The following PRKDC variants were observed in gnomAD, a reference collection of about 807,000 sequenced individuals.
PRKDC encodes protein kinase, DNA-activated, catalytic subunit.
In PRKDC, 82 loss-of-function variants were observed where a neutral mutation model predicts 486.9. That is an observed-to-expected ratio of 0.17 (90% CI 0.14 to 0.20). The LOEUF is 0.20. Among genes scored for constraint, PRKDC ranks in the 10% least tolerant of loss-of-function variants. PRKDC has a pLI of 1.00. For synonymous variants in PRKDC, 1,895 were observed against 1,837.0 expected, an observed-to-expected ratio of 1.03 and a Z score of -0.81; for missense variants, 4,504 against 5,038.2, an observed-to-expected ratio of 0.89 and a Z score of 3.21.
chr8:47,927,738 T>A, intron 20 of PRKDC, 33 bp downstream of exon 20: 1 of 1,474,468 alleles, frequency 6.8e-7, no homozygotes, highest in South Asian at 1.6e-5. Flanking sequence ...ACAACAGCGA[T>A]GAAGAGATGG....
chr8:47,809,753 A>G (rs1347032379), intron 68 of PRKDC, among the ~76,000 whole-genome samples: 2 of 152,248 alleles, frequency 1.3e-5, no homozygotes, highest in African/African-American at 4.8e-5. Context: ...TGGATAAAAT[A>G]CAACTCCCCA....
At chr8:47,907,503 G>A (rs1005873711) in intron 25 of PRKDC, among the ~76,000 whole-genome samples, 5 of 144,334 alleles carry the variant, frequency 3.5e-5, no homozygotes, top group Non-Finnish European at 7.5e-5. Context: ...GGTAACCACT[G>A]TCGACTTTCA....
chr8:47,776,044 G>A (rs2515635), intron 85 of PRKDC, among the ~76,000 whole-genome samples: 17 of 152,092 alleles, frequency 1.1e-4, no homozygotes, highest in East Asian at 1.9e-4. Context: ...GGGTGGTCTC[G>A]AACTCCTGAC....
chr8:47,949,989 G>A (rs2090601120), intron 7 of PRKDC, among the ~76,000 whole-genome samples: 1 of 152,228 alleles, frequency 6.6e-6, no homozygotes, highest in Non-Finnish European at 1.5e-5. Flanking sequence ...GTGATAAGGA[G>A]GCCAGGGGTG....
intron 40 of PRKDC, among the ~76,000 whole-genome samples, chr8:47,873,337 G>C (rs1338575672): frequency 6.6e-6 from 1 of 151,606 alleles, no homozygotes; most frequent in Admixed American, 6.6e-5. Context: ...TGGAGTTCAA[G>C]ATAAGCCTGG....
chr8:47,932,050 C>T (rs1366743593), intron 16 of PRKDC, among the ~76,000 whole-genome samples: 1 of 151,610 alleles, frequency 6.6e-6, no homozygotes, highest in Admixed American at 6.6e-5. Flanking sequence ...GCCACCACGC[C>T]CGGCTCATTT....
intron 85 of PRKDC, among the ~76,000 whole-genome samples, chr8:47,775,756 G>C (rs996868752): frequency 1.3e-5 from 2 of 151,376 alleles, no homozygotes; most frequent in African/African-American, 4.9e-5. Flanking sequence ...TGTGCTTTCA[G>C]TGTCATACCT....
Position 47,953,686 on chromosome 8 carries a change from C to T in PRKDC, c.655G>A (p.Val219Ile). Residue 219 changes from valine (V) to isoleucine (I), a missense_variant, in exon 7 of 86, where the codon GTT (valine) becomes ATT (isoleucine). Transcript: ENST00000314191. ...AACCCCTTCAGACATCCTGCCAGAACAGGTAGTTTGGGCTCTCTTACTGCT... is the reference window on the plus strand; with the variant it reads ...AACCCCTTCAGACATCCTGCCAGAATAGGTAGTTTGGGCTCTCTTACTGCT... Reference protein sequence around the residue: ...TSAVREPKLPVLAGCLKGLSS... With the variant: ...TSAVREPKLPILAGCLKGLSS... 6.2e-7 allele frequency: 1 copy of T among 1,613,400 alleles called. No individual in the cohort carries two copies. The highest frequency in any genetic ancestry group is 8.5e-7 in the Non-Finnish European group (1 of 1,179,670).
chr8:47,858,606 C>A lies in PRKDC; in HGVS notation c.6375G>T (p.Trp2125Cys). Residue 2125 changes from tryptophan to cysteine, a missense_variant, in exon 48 of 86, where the codon TGG becomes TGT. This residue lies in a region of PRKDC where 1,592 missense variants were observed against 1,724.6 expected (regional missense o/e 0.92). Coordinates refer to ENST00000314191, the MANE Select transcript of PRKDC (RefSeq NM_006904.7). ...EDSVPRDLPS[W>C]MKFLHGKLGN... ...CCAGTTTGCCATGGAGGAATTTCAT[C>A]CAAGAAGGAAGATCTCTTGGCACTG... The A allele has an allele frequency of 6.4e-7, 1 of 1,552,366 alleles. No homozygotes were observed. Among genetic ancestry groups the A allele is most frequent in the South Asian group, 1.2e-5 (1 of 81,382 alleles).
At chr8:47,864,325 G>A in intron 41 of PRKDC, among the ~76,000 whole-genome samples, 1 of 152,144 alleles carries the variant, frequency 6.6e-6, no homozygotes. Context: ...TGTCAGCCCA[G>A]TGAAACTGAT....
chr8:47,791,469 C>T (rs941366920), intron 74 of PRKDC, among the ~76,000 whole-genome samples: 5 of 151,804 alleles, frequency 3.3e-5, no homozygotes, highest in South Asian at 2.1e-4. Context: ...AGCAATACAC[C>T]GCCTCAAAAA....
At chr8:47,810,745 A>G (rs1184207216) in intron 68 of PRKDC, among the ~76,000 whole-genome samples, 1 of 152,230 alleles carries the variant, frequency 6.6e-6, no homozygotes, top group Non-Finnish European at 1.5e-5. Flanking sequence ...TTTTTAATAA[A>G]CCAAATGGAA....
chr8:47,833,161 C>A (rs1360645828), intron 59 of PRKDC, among the ~76,000 whole-genome samples: 1 of 152,220 alleles, frequency 6.6e-6, no homozygotes, highest in Non-Finnish European at 1.5e-5. Flanking sequence ...GTGGGCCACA[C>A]TGACCTCTCC....
intron 51 of PRKDC, among the ~76,000 whole-genome samples, chr8:47,853,385 G>T (rs1009265453): frequency 6.6e-6 from 1 of 152,234 alleles, no homozygotes; most frequent in Non-Finnish European, 1.5e-5. Context: ...GGTGCTGGGG[G>T]GCCAACACGG....
intron 21 of PRKDC, among the ~76,000 whole-genome samples, chr8:47,920,830 A>C (rs2090058837): frequency 6.6e-6 from 1 of 152,186 alleles, no homozygotes; most frequent in Non-Finnish European, 1.5e-5. Flanking sequence ...CATGAAATGT[A>C]CTCTTTTAAC....
chr8:47,816,590 T>C (rs1252047415), intron 68 of PRKDC, among the ~76,000 whole-genome samples: 1 of 152,046 alleles, frequency 6.6e-6, no homozygotes, highest in Non-Finnish European at 1.5e-5. Context: ...TCTTAAGAAA[T>C]GAACACTGAT....
intron 7 of PRKDC, among the ~76,000 whole-genome samples, chr8:47,947,511 A>G (rs2090554004): frequency 6.6e-6 from 1 of 152,262 alleles, no homozygotes; most frequent in African/African-American, 2.4e-5. Flanking sequence ...TCAAGCCTGT[A>G]ATCTGAGCAC....
chr8:47,854,017 C>A, intron 51 of PRKDC, 66 bp downstream of exon 51: 1 of 1,573,992 alleles, frequency 6.4e-7, no homozygotes. Flanking sequence ...AAAACTGCAC[C>A]ATACTGAAGT....
intron 11 of PRKDC, among the ~76,000 whole-genome samples, chr8:47,938,728 A>G (rs547866863): frequency 6.6e-6 from 1 of 151,946 alleles, no homozygotes; most frequent in African/African-American, 2.4e-5. Context: ...TGCCCGGCTA[A>G]TTTTTGTATT....
Sources: gnomAD v4.1 joint callset for allele counts (sites outside exome capture counted in the v4.1 genomes callset) on GRCh38, gnomAD v4.1.1 for gene constraint, gnomAD v4.1.1 regional missense constraint, MANE v1.5 for transcripts, NCBI Gene and HGNC (gene_info 2026-07-23, HGNC 2026-07-21) for gene names.